The following ARHGAP8 variants were observed in gnomAD, a reference collection of about 807,000 sequenced individuals.
ARHGAP8 encodes rho GTPase-activating protein 8.
In ARHGAP8, 62 loss-of-function variants were observed where a neutral mutation model predicts 46.1. The ratio of observed to expected loss-of-function variants is 1.34; its 90% CI spans 1.10 to 1.66. The LOEUF is 1.66. Among genes scored for constraint, ARHGAP8 ranks in the 40% most tolerant of loss-of-function variants. The probability of loss-of-function intolerance (pLI) is 0.00; values close to 1 mark genes in which losing one functional copy is unlikely to be tolerated. For missense variants in ARHGAP8, 923 were observed against 568.4 expected (o/e 1.62, Z -6.34); for synonymous variants, 375 against 243.1 (o/e 1.54, Z -5.05).
chr22:44,795,340 C>T (rs1206827529), intron 2 of ARHGAP8, among the ~76,000 whole-genome samples: 1 of 152,148 alleles, frequency 6.6e-6, no homozygotes, highest in Non-Finnish European at 1.5e-5. Context: ...CTCTTACCCT[C>T]ATTGCAGATG....
At chr22:44,861,018 T>G (rs190949660) in intron 11 of ARHGAP8, among the ~76,000 whole-genome samples, 1 of 152,066 alleles carries the variant, frequency 6.6e-6, no homozygotes, top group Admixed American at 6.6e-5. Context: ...CTCAAAAAAA[T>G]TTTTTGAGAC....
chr22:44,774,632 C>T (rs533407502), intron 1 of ARHGAP8, among the ~76,000 whole-genome samples: 6 of 150,162 alleles, frequency 4.0e-5, no homozygotes, highest in Non-Finnish European at 8.8e-5. Flanking sequence ...AAGTGATTCT[C>T]CTGCCTCAGC....
intron 10 of ARHGAP8, 146 bp downstream of exon 10, chr22:44,849,206 A>G (rs1170386581): frequency 1.2e-5 from 17 of 1,471,942 alleles, no homozygotes; most frequent in Middle Eastern, 2.4e-4. Flanking sequence ...AGGGCAAGAG[A>G]GGGGGTTGTT....
At chr22:44,833,461 G>A (rs903586787) in intron 7 of ARHGAP8, among the ~76,000 whole-genome samples, 7 of 152,092 alleles carry the variant, frequency 4.6e-5, no homozygotes, top group African/African-American at 1.2e-4. Flanking sequence ...TTGATATGGT[G>A]TATTATATTG....
chr22:44,857,694 C>G (rs898445788), intron 10 of ARHGAP8, among the ~76,000 whole-genome samples: 16 of 152,158 alleles, frequency 1.1e-4, no homozygotes, highest in Admixed American at 9.8e-4. Context: ...ATAGGATGAT[C>G]TCATGGCCTG....
intron 11 of ARHGAP8, among the ~76,000 whole-genome samples, chr22:44,860,524 G>A (rs903486614): frequency 8.9e-5 from 11 of 124,024 alleles, no homozygotes; most frequent in South Asian, 5.8e-4. Context: ...CCCAGATGAC[G>A]CGGGATGATC....
At chr22:44,824,184 C>T (rs1013818492) in intron 6 of ARHGAP8, among the ~76,000 whole-genome samples, 28 of 152,154 alleles carry the variant, frequency 1.8e-4, no homozygotes, top group African/African-American at 6.3e-4. Context: ...CAGCTTGTGA[C>T]CTGGGGCATG....
chr22:44,824,694 G>A (rs1010058593), intron 6 of ARHGAP8, among the ~76,000 whole-genome samples: 4 of 147,600 alleles, frequency 2.7e-5, no homozygotes, highest in East Asian at 4.0e-4. Flanking sequence ...GTGCAATGGC[G>A]CAATCTCGGC....
At chr22:44,815,906 C>T (rs1382826033) in intron 5 of ARHGAP8, among the ~76,000 whole-genome samples, 1 of 152,174 alleles carries the variant, frequency 6.6e-6, no homozygotes, top group Non-Finnish European at 1.5e-5. Context: ...GGCTCTGGCC[C>T]TCCCTGGGTG....
At chr22:44,860,159 G>C (rs1265867682) in intron 11 of ARHGAP8, among the ~76,000 whole-genome samples, 1 of 148,966 alleles carries the variant, frequency 6.7e-6, no homozygotes, top group Non-Finnish European at 1.5e-5. Flanking sequence ...CTAGGAGGTG[G>C]GAGCTGTGTC....
At chr22:44,859,024 C>T (rs553577125) in intron 10 of ARHGAP8, among the ~76,000 whole-genome samples, 48 of 151,838 alleles carry the variant, frequency 3.2e-4, no homozygotes, top group African/African-American at 1.2e-3. Flanking sequence ...ACGTTATTGG[C>T]AAAAACAGGC....
chr22:44,788,684 C>A (rs1927456574), intron 2 of ARHGAP8, among the ~76,000 whole-genome samples: 1 of 152,148 alleles, frequency 6.6e-6, no homozygotes, highest in Non-Finnish European at 1.5e-5. Flanking sequence ...TGTGAGCCAC[C>A]ATGCTGGCCG....
Position 44,827,394 on chromosome 22 carries a change from G to A in ARHGAP8, c.596+1801G>A, listed in dbSNP as rs980058558. Reference sequence around the variant, plus strand: ...GTCTCGCTCTGTCCCCCAGGCTGGAGTGCGGTGGTGTGAGCTCAGCTCACC... The same window carrying A: ...GTCTCGCTCTGTCCCCCAGGCTGGAATGCGGTGGTGTGAGCTCAGCTCACC... On this transcript the variant is annotated intron_variant, in intron 7 of 11. Coordinates refer to ENST00000356099, the MANE Select transcript of ARHGAP8 (RefSeq NM_181335.3). Among the ~76,000 whole-genome samples, 3 of 129,690 alleles carry A rather than the reference G, an allele frequency of 2.3e-5. No homozygotes were observed. The Admixed American group carries it at 2.9e-4, about 12-fold the overall frequency. 85.1% of individuals were successfully genotyped at this position (129,690 alleles called of 152,430 possible).
intron 2 of ARHGAP8, among the ~76,000 whole-genome samples, chr22:44,800,138 C>G (rs1928390525): frequency 8.3e-6 from 1 of 120,854 alleles, no homozygotes; most frequent in East Asian, 2.2e-4. Context: ...AATTCTTGCT[C>G]TGTTGTCCAT....
chr22:44,824,514 G>A (rs766619170), intron 6 of ARHGAP8, among the ~76,000 whole-genome samples: 68 of 152,282 alleles, frequency 4.5e-4, no homozygotes, highest in Non-Finnish European at 7.1e-4. Context: ...TCCTGTGGCC[G>A]GGTCCCTGCT....
chr22:44,787,037 C>CAAAAAAAAAAAAAA (rs57241720), intron 2 of ARHGAP8, among the ~76,000 whole-genome samples: 2 of 119,124 alleles, frequency 1.7e-5, no homozygotes, highest in African/African-American at 3.1e-5. Flanking sequence ...CTCAAAAAAA[C>CAAAAAAAAAAAAAA]AAAAAAAAAA....
In ARHGAP8 at chr22:44,837,831, C is replaced by T. The variant is rs569175528; in HGVS notation, c.597-7438C>T. On this transcript the variant is annotated intron_variant, in intron 7 of 11. Transcript: ENST00000356099. ...TAGATGTGGGTGCTCCTCAAATGCA[C>T]GGGCAGTGGAAAACCCGCTTGGCTG... Among the ~76,000 whole-genome samples the T allele has an allele frequency of 5.3e-5, 8 of 152,230 alleles. No homozygotes were observed. The East Asian group carries it at 5.8e-4, about 11-fold the overall frequency.
At chr22:44,767,872 CA>C (rs35120042) in intron 1 of ARHGAP8, among the ~76,000 whole-genome samples, 42,637 of 104,056 alleles carry the variant, frequency 0.41, 7,626 homozygotes, top group East Asian at 0.75. Context: ...GACCCCATCT[CA>C]AAAAAAAAAA....
chr22:44,786,327 G>A (rs739176), intron 1 of ARHGAP8, 130 bp from the exon 2 acceptor site: 399,807 of 1,138,594 alleles, frequency 0.35, 66,312 homozygotes, highest in South Asian at 0.5. Flanking sequence ...GTGGGTGCAC[G>A]GCTGAGGTAG....
Sources: gnomAD v4.1 joint callset for allele counts (sites outside exome capture counted in the v4.1 genomes callset) on GRCh38, gnomAD v4.1.1 for gene constraint, MANE v1.5 for transcripts, NCBI Gene and HGNC (gene_info 2026-07-23, HGNC 2026-07-21) for gene names.